Variants in ADGRG2 observed in about 807,000 individuals in gnomAD.
The protein encoded by ADGRG2 is adhesion G protein-coupled receptor G2, also known as G protein-coupled receptor 64.
A neutral mutation model predicts 74.1 loss-of-function variants in ADGRG2; 26 were observed. The observed-to-expected ratio is 0.35, with a 90% confidence interval of 0.26 to 0.49. ADGRG2 has a LOEUF of 0.49. ADGRG2 is among the 20% of genes least tolerant of loss of function. The probability of loss-of-function intolerance (pLI) is 0.99; values close to 1 mark genes in which losing one functional copy is unlikely to be tolerated. For missense variants in ADGRG2, 619 were observed against 763.1 expected (o/e 0.81, Z 2.22); for synonymous variants, 296 against 295.2 (o/e 1.00, Z -0.03).
intron 4 of ADGRG2, among the ~76,000 whole-genome samples, chrX:19,039,563 G>A (rs1022742503): frequency 5.4e-5 from 6 of 112,138 alleles, no homozygotes; most frequent in Non-Finnish European, 9.4e-5. Flanking sequence ...GTGATGTGGA[G>A]CAAGGAGCTG....
At chrX:19,095,978 C>T (rs1335433040) in intron 1 of ADGRG2, among the ~76,000 whole-genome samples, 1 of 111,147 alleles carries the variant, frequency 9.0e-6, no homozygotes, top group Non-Finnish European at 1.9e-5. Flanking sequence ...AAGACTGTGC[C>T]ACTGCACTCC....
At chrX:19,009,821 AT>A in intron 17 of ADGRG2, 39 bp from the exon 18 acceptor site, 2 of 1,077,514 alleles carry the variant, frequency 1.9e-6, no homozygotes, top group South Asian at 2.1e-5. Context: ...TTATTTATTT[AT>A]TTATTTTGAG....
chrX:19,028,831 T>G (rs1032832135), intron 9 of ADGRG2, among the ~76,000 whole-genome samples: 10 of 111,917 alleles, frequency 8.9e-5, no homozygotes, highest in African/African-American at 3.2e-4. Flanking sequence ...TCACATAAAC[T>G]AGAGCCAGGG....
intron 1 of ADGRG2, among the ~76,000 whole-genome samples, chrX:19,098,574 C>G (rs1161046667): frequency 9.0e-6 from 1 of 111,438 alleles, no homozygotes; most frequent in African/African-American, 3.3e-5. Flanking sequence ...ATCCAAGTAA[C>G]AGCAAAACAG....
At chrX:19,087,039 G>A (rs2061945267) in intron 1 of ADGRG2, among the ~76,000 whole-genome samples, 1 of 111,509 alleles carries the variant, frequency 9.0e-6, no homozygotes, top group African/African-American at 3.3e-5. Context: ...GCAGGAGAAG[G>A]TTGGGCATAT....
intron 15 of ADGRG2, among the ~76,000 whole-genome samples, chrX:19,016,203 T>C (rs936296699): frequency 8.9e-6 from 1 of 112,516 alleles, no homozygotes; most frequent in Non-Finnish European, 1.9e-5. Flanking sequence ...AGTGTACTAA[T>C]CTTAGATTTA....
At chrX:18,992,706 T>G (rs2059944006) in intron 28 of ADGRG2, among the ~76,000 whole-genome samples, 1 of 112,497 alleles carries the variant, frequency 8.9e-6, no homozygotes, top group Admixed American at 9.4e-5. Context: ...TATTAAACAC[T>G]GAGCCATTTT....
chrX:19,034,123 T>G (rs2060884796), intron 7 of ADGRG2: 1 of 113,236 alleles, frequency 8.8e-6, no homozygotes, highest in Non-Finnish European at 1.8e-5. Flanking sequence ...CTTTAGGAGT[T>G]AACATAATAC....
chrX:19,055,270 G>GTGTGTA (rs1491541231), intron 3 of ADGRG2, among the ~76,000 whole-genome samples: 5 of 108,636 alleles, frequency 4.6e-5, no homozygotes, highest in African/African-American at 1.4e-4. Context: ...GTGTGTGTGT[G>GTGTGTA]TATGTGTGTG....
At chrX:19,039,548 T>C (rs2061013488) in intron 4 of ADGRG2, among the ~76,000 whole-genome samples, 1 of 112,227 alleles carries the variant, frequency 8.9e-6, no homozygotes, top group Non-Finnish European at 1.9e-5. Flanking sequence ...ATGTGCTGCC[T>C]CTGTGTGATG....
At chrX:19,108,237 C>T (rs377546559) in intron 1 of ADGRG2, among the ~76,000 whole-genome samples, 12 of 109,374 alleles carry the variant, frequency 1.1e-4, no homozygotes, top group South Asian at 3.9e-4. Flanking sequence ...GAAGCTGAGG[C>T]GGGCAGGTTG....
intron 3 of ADGRG2, among the ~76,000 whole-genome samples, chrX:19,064,132 T>A (rs182306756): frequency 3.7e-4 from 41 of 111,698 alleles, no homozygotes; most frequent in African/African-American, 1.3e-3. Context: ...CACACTCCCA[T>A]GGACATAGAT....
At chrX:19,116,786 C>T (rs2062523612) in intron 1 of ADGRG2, among the ~76,000 whole-genome samples, 1 of 111,542 alleles carries the variant, frequency 9.0e-6, no homozygotes, top group Admixed American at 9.6e-5. Flanking sequence ...ACTAAATGAG[C>T]AGTTTTACAA....
chrX:19,075,892 T>C (rs1329922246), intron 2 of ADGRG2, among the ~76,000 whole-genome samples: 4 of 111,742 alleles, frequency 3.6e-5, no homozygotes, highest in African/African-American at 6.5e-5. Context: ...TCCTAAAACA[T>C]GTATTTAGGC....
intron 2 of ADGRG2, among the ~76,000 whole-genome samples, chrX:19,080,168 C>A (rs188780081): frequency 3.6e-4 from 40 of 109,959 alleles, no homozygotes; most frequent in African/African-American, 1.3e-3. Context: ...CCTCGGCCTC[C>A]CAAAGTGCTG....
chrX:19,092,239 T>C (rs933603802), intron 1 of ADGRG2, among the ~76,000 whole-genome samples: 1 of 112,268 alleles, frequency 8.9e-6, no homozygotes, highest in East Asian at 2.8e-4. Context: ...GAAATGCTTT[T>C]GGCCTTCATA....
At chrX:19,003,534 TG>T (rs2060172268) in intron 23 of ADGRG2, among the ~76,000 whole-genome samples, 4 of 111,357 alleles carry the variant, frequency 3.6e-5, no homozygotes, top group Admixed American at 1.9e-4. Flanking sequence ...AATGTCTATA[TG>T]CATAAATTTC....
intron 3 of ADGRG2, among the ~76,000 whole-genome samples, chrX:19,042,852 G>A (rs1239126347): frequency 9.0e-5 from 10 of 111,197 alleles, no homozygotes; most frequent in Non-Finnish European, 1.7e-4. Flanking sequence ...TTAGCCAGGC[G>A]TGGTGGTGCA....
At chrX:19,108,100 G>A (rs1343954684) in intron 1 of ADGRG2, among the ~76,000 whole-genome samples, 4 of 81,662 alleles carry the variant, frequency 4.9e-5, no homozygotes, top group Middle Eastern at 7.4e-3. Flanking sequence ...GTGAGACTCC[G>A]TCTCAAAAAA....
Sources: gnomAD v4.1 joint callset for allele counts (sites outside exome capture counted in the v4.1 genomes callset) on GRCh38, gnomAD v4.1.1 for gene constraint, MANE v1.5 for transcripts, NCBI Gene and HGNC (gene_info 2026-07-23, HGNC 2026-07-21) for gene names.